CDH12: variants seen among roughly 807,000 people sequenced by gnomAD.
CDH12 encodes the protein cadherin 12.
In CDH12, 41 loss-of-function variants were observed where a neutral mutation model predicts 74.1. The ratio of observed to expected loss-of-function variants is 0.55; its 90% CI spans 0.43 to 0.72. The LOEUF is 0.72. Ranked by LOEUF, CDH12 falls within the 30% of genes least tolerant of loss-of-function variation. The pLI is 0.00. For missense variants in CDH12, 945 were observed against 977.2 expected (o/e 0.97, Z 0.44); for synonymous variants, 399 against 355.0 (o/e 1.12, Z -1.39).
At chr5:21,887,870 G>C (rs1435637354) in intron 6 of CDH12, among the ~76,000 whole-genome samples, 1 of 151,772 alleles carries the variant, frequency 6.6e-6, no homozygotes, top group African/African-American at 2.4e-5. Context: ...TTTGAGCAGT[G>C]CCAGGAGTAG....
chr5:22,256,755 G>C (rs1173320339), intron 3 of CDH12, among the ~76,000 whole-genome samples: 1 of 152,032 alleles, frequency 6.6e-6, no homozygotes, highest in Non-Finnish European at 1.5e-5. Flanking sequence ...GTGTGTTTGT[G>C]CCTTAGTTTT....
intron 1 of CDH12, among the ~76,000 whole-genome samples, chr5:22,818,850 AG>A (rs1408802200): frequency 6.6e-6 from 1 of 152,124 alleles, no homozygotes; most frequent in Non-Finnish European, 1.5e-5. Context: ...CTAGTTATTT[AG>A]TTTCAGTAGT....
chr5:21,947,310 T>G (rs1755624737), intron 6 of CDH12, among the ~76,000 whole-genome samples: 2 of 151,936 alleles, frequency 1.3e-5, no homozygotes, highest in African/African-American at 4.8e-5. Context: ...AGGTTGGAAG[T>G]GTTTGGAGGG....
At chr5:22,072,084 C>T (rs979638739) in intron 5 of CDH12, among the ~76,000 whole-genome samples, 1 of 151,942 alleles carries the variant, frequency 6.6e-6, no homozygotes, top group Non-Finnish European at 1.5e-5. Flanking sequence ...CTTTCTCCTG[C>T]AGATGCTCTC....
chr5:22,613,525 A>T (rs1160632958), intron 1 of CDH12, among the ~76,000 whole-genome samples: 1 of 152,130 alleles, frequency 6.6e-6, no homozygotes, highest in Non-Finnish European at 1.5e-5. Context: ...CTCTTTCAGT[A>T]CAGTGTAAGT....
At chr5:22,200,839 A>T (rs768939232) in intron 4 of CDH12, among the ~76,000 whole-genome samples, 12 of 152,184 alleles carry the variant, frequency 7.9e-5, no homozygotes, top group Non-Finnish European at 1.2e-4. Context: ...TGTCACTGGG[A>T]ATATAGTAGT....
At chr5:21,935,242 T>C (rs1021444956) in intron 6 of CDH12, among the ~76,000 whole-genome samples, 3 of 152,202 alleles carry the variant, frequency 2.0e-5, no homozygotes, top group Non-Finnish European at 2.9e-5. Context: ...CATGGGCTAA[T>C]TTTATATATG....
chr5:22,109,906 C>T (rs965777810), intron 4 of CDH12, among the ~76,000 whole-genome samples: 9 of 152,042 alleles, frequency 5.9e-5, no homozygotes, highest in Admixed American at 5.2e-4. Context: ...CTCATAAGGA[C>T]AGGAAAACCG....
chr5:22,793,151 T>C (rs1185131047), intron 1 of CDH12, among the ~76,000 whole-genome samples: 1 of 152,156 alleles, frequency 6.6e-6, no homozygotes, highest in African/African-American at 2.4e-5. Context: ...TTCATACTGA[T>C]TTCACTGCCA....
In CDH12 at chr5:21,914,624, G is replaced by A. The variant is rs182118203; in HGVS notation, c.527-59834C>T. On this transcript the variant is annotated intron_variant, in intron 6 of 14. Transcript: ENST00000382254. ...CAGGAGGCTGAAAACTCAGGCAGGAGTTGATTCTGCAGTTTTCAGGCCAAT... is the reference window on the plus strand; with the variant it reads ...CAGGAGGCTGAAAACTCAGGCAGGAATTGATTCTGCAGTTTTCAGGCCAAT... Among the ~76,000 whole-genome samples, 92 of 152,260 alleles carry A rather than the reference G, an allele frequency of 6.0e-4. 1 individual carries two copies. Among genetic ancestry groups the A allele is most frequent in the Admixed American group, 3.1e-3 (47 of 15,284 alleles).
chr5:22,619,326 G>T (rs72637722), intron 1 of CDH12, among the ~76,000 whole-genome samples: 9,954 of 152,062 alleles, frequency 0.065, 431 homozygotes, highest in East Asian at 0.24. Flanking sequence ...TGAGCCAATT[G>T]CCAGGACCAC....
chr5:21,845,727 GAGA>G lies in CDH12; in HGVS notation c.647-3402_647-3400del, dbSNP rs538077406. 2.0e-3 allele frequency among the ~76,000 whole-genome samples: 305 copies of G among 152,178 alleles called. 1 individual carries two copies. Among genetic ancestry groups the G allele is most frequent in the African/African-American group, 6.9e-3 (287 of 41,532 alleles). ...AGACAGAAAGCCACTTTAGGACAGAGAGAAGTTCTTTTATTTTCTTTTCTAATT... is the reference window on the plus strand; with the variant it reads ...AGACAGAAAGCCACTTTAGGACAGAGAGTTCTTTTATTTTCTTTTCTAATT... On this transcript the variant is annotated intron_variant, in intron 7 of 14. Coordinates refer to ENST00000382254, the MANE Select transcript of CDH12 (RefSeq NM_004061.5).
chr5:22,116,377 G>A (rs1261356325), intron 4 of CDH12, among the ~76,000 whole-genome samples: 1 of 152,030 alleles, frequency 6.6e-6, no homozygotes, highest in African/African-American at 2.4e-5. Context: ...TGGCCGAGAC[G>A]GGCGGGTCAC....
rs1045182308 is a variant in CDH12 at position 22,424,266 on chromosome 5, C to G, written c.-427-18915G>C. Among the ~76,000 whole-genome samples, 3 of 151,912 alleles carry G rather than the reference C, an allele frequency of 2.0e-5. No homozygotes were observed. In the South Asian group the frequency reaches 6.2e-4, roughly 32 times the overall value. On this transcript the variant is annotated intron_variant, in intron 2 of 14. Coordinates refer to ENST00000382254, the MANE Select transcript of CDH12 (RefSeq NM_004061.5). ...GCTTGTGCCTATCCCTTAATTTGGCCAAGGGATTAACAACAAATAGGATAT... is the reference window on the plus strand; with the variant it reads ...GCTTGTGCCTATCCCTTAATTTGGCGAAGGGATTAACAACAAATAGGATAT...
intron 1 of CDH12, among the ~76,000 whole-genome samples, chr5:22,608,297 A>G (rs1737221000): frequency 6.6e-6 from 1 of 152,128 alleles, no homozygotes; most frequent in African/African-American, 2.4e-5. Context: ...GTGAAAGGAG[A>G]TTATTTTGTA....
At chr5:22,250,628 T>C (rs1405916330) in intron 3 of CDH12, among the ~76,000 whole-genome samples, 1 of 152,222 alleles carries the variant, frequency 6.6e-6, no homozygotes, top group African/African-American at 2.4e-5. Context: ...TAAAAGCATG[T>C]AGGAAATAAT....
At chr5:22,699,483 G>A (rs6860776) in intron 1 of CDH12, among the ~76,000 whole-genome samples, 91,877 of 151,616 alleles carry the variant, frequency 0.61, 28,335 homozygotes, top group Admixed American at 0.7. Context: ...CATTAGCATC[G>A]AAATAAAAGC....
intron 2 of CDH12, among the ~76,000 whole-genome samples, chr5:22,480,083 G>A (rs911542647): frequency 4.5e-4 from 69 of 151,908 alleles, no homozygotes; most frequent in African/African-American, 1.6e-3. Flanking sequence ...AGCAAATTTC[G>A]CATCAACTAG....
intron 5 of CDH12, among the ~76,000 whole-genome samples, chr5:22,001,540 G>C (rs1275177312): frequency 6.6e-6 from 1 of 151,936 alleles, no homozygotes; most frequent in Non-Finnish European, 1.5e-5. Context: ...ACATGTGCAG[G>C]TAAATTGAGT....
Sources: allele counts gnomAD v4.1 joint callset (sites outside exome capture counted in the v4.1 genomes callset), GRCh38; gene constraint gnomAD v4.1.1; transcripts MANE v1.5; gene names NCBI Gene and HGNC (gene_info 2026-07-23, HGNC 2026-07-21).